PCDH15: variants seen among roughly 807,000 people sequenced by gnomAD.
The protein encoded by PCDH15 is protocadherin-15.
PCDH15 carries 129 observed loss-of-function variants against 178.5 expected under a neutral mutation model. The observed-to-expected ratio is 0.72, with a 90% CI of 0.63 to 0.84. The LOEUF is 0.84. Ranked by LOEUF, PCDH15 falls within the 40% of genes least tolerant of loss-of-function variation. PCDH15 has a pLI of 0.00. For missense variants in PCDH15, 2,230 were observed against 2,099.9 expected (o/e 1.06, Z -1.21); for synonymous variants, 800 against 732.0 (o/e 1.09, Z -1.50).
At chr10:54,254,066 G>A (rs1012298273) in intron 8 of PCDH15, among the ~76,000 whole-genome samples, 3 of 151,944 alleles carry the variant, frequency 2.0e-5, no homozygotes, top group Admixed American at 2.0e-4. Flanking sequence ...CCATTTTTAG[G>A]CATTGAAAAG....
intron 3 of PCDH15, among the ~76,000 whole-genome samples, chr10:54,449,078 G>T (rs558919432): frequency 6.6e-6 from 1 of 151,544 alleles, no homozygotes; most frequent in African/African-American, 2.4e-5. Context: ...CCTTGGCTAC[G>T]GCAGGGAAGT....
chr10:54,968,294 C>T (rs1838844664), intron 2 of PCDH15, among the ~76,000 whole-genome samples: 1 of 152,070 alleles, frequency 6.6e-6, no homozygotes, highest in Non-Finnish European at 1.5e-5. Flanking sequence ...TTGGCTTTGT[C>T]ATTGTTTCCC....
At chr10:54,351,155 T>C (rs1248242753) in intron 5 of PCDH15, among the ~76,000 whole-genome samples, 1 of 152,052 alleles carries the variant, frequency 6.6e-6, no homozygotes, top group South Asian at 2.1e-4. Context: ...ATGTATATTA[T>C]ATTCAGATCT....
chr10:55,388,154 G>A (rs886179310), intron 2 of PCDH15, among the ~76,000 whole-genome samples: 1 of 151,980 alleles, frequency 6.6e-6, no homozygotes, highest in Non-Finnish European at 1.5e-5. Context: ...GGGCAGGAAC[G>A]TTTTTCAGAT....
chr10:53,998,428 G>A (rs1359063685), intron 20 of PCDH15, among the ~76,000 whole-genome samples: 1 of 152,036 alleles, frequency 6.6e-6, no homozygotes, highest in East Asian at 1.9e-4. Context: ...TGAAGGTGTA[G>A]GTAGCTAACA....
In PCDH15 at chr10:54,952,039, A is replaced by T. The variant is rs1050581860; in HGVS notation, c.-79-54539T>A. On this transcript the variant is annotated intron_variant, in intron 2 of 5. Transcript: ENST00000458638. ...ATCTTGCACAGTTCAGAAGTTTTTA[A>T]TTTTAATAAAATTCAGCTATTCAAG... Among the ~76,000 whole-genome samples the T allele has an allele frequency of 2.0e-5, 3 of 151,744 alleles. No individual in the cohort carries two copies. In the South Asian group the frequency reaches 6.2e-4, roughly 31 times the overall value.
chr10:53,854,584 T>C (rs568789009), intron 28 of PCDH15, among the ~76,000 whole-genome samples: 2 of 151,994 alleles, frequency 1.3e-5, no homozygotes, highest in Non-Finnish European at 1.5e-5. Flanking sequence ...TACAGAGCTG[T>C]AATAGGATCT....
At chr10:54,292,503 A>T (rs2059485241) in intron 8 of PCDH15, among the ~76,000 whole-genome samples, 1 of 152,242 alleles carries the variant, frequency 6.6e-6, no homozygotes, top group Non-Finnish European at 1.5e-5. Flanking sequence ...AATAAAGGAC[A>T]TTCAATTAGG....
chr10:55,333,428 A>G (rs1844267286), intron 2 of PCDH15, among the ~76,000 whole-genome samples: 1 of 152,090 alleles, frequency 6.6e-6, no homozygotes, highest in Non-Finnish European at 1.5e-5. Flanking sequence ...ATAAAAGAGG[A>G]TGTATTTTAA....
At chr10:55,303,108 C>T (rs2132280175) in intron 1 of PCDH15, among the ~76,000 whole-genome samples, 1 of 152,050 alleles carries the variant, frequency 6.6e-6, no homozygotes, top group South Asian at 2.1e-4. Flanking sequence ...TATATATACA[C>T]ACACACACGG....
intron 2 of PCDH15, among the ~76,000 whole-genome samples, chr10:54,917,432 T>A (rs1337956890): frequency 6.6e-6 from 1 of 152,180 alleles, no homozygotes; most frequent in Non-Finnish European, 1.5e-5. Flanking sequence ...AATAAGGGAC[T>A]CCTTCCTTAC....
intron 1 of PCDH15, among the ~76,000 whole-genome samples, chr10:54,785,252 C>T (rs763554219): frequency 2.0e-5 from 3 of 151,886 alleles, no homozygotes; most frequent in Admixed American, 1.3e-4. Flanking sequence ...CTTTCTGATA[C>T]ATAGGAGCCT....
At chr10:55,317,677 C>G (rs1221161435) in intron 1 of PCDH15, among the ~76,000 whole-genome samples, 2 of 147,584 alleles carry the variant, frequency 1.4e-5, no homozygotes, top group Non-Finnish European at 3.0e-5. Context: ...TGTTAAAATA[C>G]AGCAATAAGA....
At chr10:55,589,376 G>A (rs1188493848) in intron 2 of PCDH15, among the ~76,000 whole-genome samples, 5 of 152,044 alleles carry the variant, frequency 3.3e-5, no homozygotes, top group Admixed American at 1.3e-4. Flanking sequence ...GATATACGGC[G>A]TTATTTCTGA....
intron 8 of PCDH15, among the ~76,000 whole-genome samples, chr10:54,253,604 T>G (rs889926312): frequency 1.3e-5 from 2 of 152,132 alleles, no homozygotes; most frequent in African/African-American, 2.4e-5. Context: ...TTGTCTCTGA[T>G]ATAAATTATG....
chr10:55,380,051 G>C (rs1325760573), intron 2 of PCDH15, among the ~76,000 whole-genome samples: 2 of 152,040 alleles, frequency 1.3e-5, no homozygotes, highest in East Asian at 3.9e-4. Flanking sequence ...AGACAGTCAG[G>C]TCAATTACAA....
intron 2 of PCDH15, among the ~76,000 whole-genome samples, chr10:55,544,650 A>G (rs1841839219): frequency 6.6e-6 from 1 of 152,132 alleles, no homozygotes; most frequent in Non-Finnish European, 1.5e-5. Context: ...ACAACTTCAT[A>G]CTGGATACCA....
At chr10:55,222,157 G>T (rs1840895545) in intron 1 of PCDH15, among the ~76,000 whole-genome samples, 3 of 151,654 alleles carry the variant, frequency 2.0e-5, no homozygotes, top group Non-Finnish European at 4.4e-5. Flanking sequence ...TTACAGGTGT[G>T]AGCCACCGCG....
intron 2 of PCDH15, among the ~76,000 whole-genome samples, chr10:55,507,851 A>C (rs573037863): frequency 2.0e-5 from 3 of 151,728 alleles, no homozygotes; most frequent in African/African-American, 7.2e-5. Flanking sequence ...GTTTTTCTTA[A>C]CCATGATCAA....
Sources: gnomAD v4.1 joint callset for allele counts (sites outside exome capture counted in the v4.1 genomes callset) on GRCh38, gnomAD v4.1.1 for gene constraint, MANE v1.5 for transcripts, NCBI Gene and HGNC (gene_info 2026-07-23, HGNC 2026-07-21) for gene names.